Variants in PRKN observed in about 807,000 individuals in gnomAD.
PRKN encodes E3 ubiquitin-protein ligase parkin.
A neutral mutation model predicts 59.5 loss-of-function variants in PRKN; 56 were observed. The ratio of observed to expected loss-of-function variants is 0.94; its 90% CI spans 0.76 to 1.18. The LOEUF is 1.18. Among genes scored for constraint, PRKN ranks in the 50% most tolerant of loss-of-function variants. The pLI, the probability that PRKN is intolerant of heterozygous loss-of-function variation, is 0.00. For synonymous variants in PRKN, 250 were observed against 222.1 expected (o/e 1.13, Z -1.12); for missense variants, 657 against 596.4 (o/e 1.10, Z -1.06).
intron 2 of PRKN, among the ~76,000 whole-genome samples, chr6:162,435,292 T>C (rs919471546): frequency 2.6e-5 from 4 of 152,182 alleles, no homozygotes; most frequent in Non-Finnish European, 5.9e-5. Context: ...GAGAGCCTAT[T>C]AAATGAATCC....
chr6:161,863,753 T>C (rs974759036), intron 6 of PRKN, among the ~76,000 whole-genome samples: 2 of 152,148 alleles, frequency 1.3e-5, no homozygotes, highest in South Asian at 4.1e-4. Flanking sequence ...CTTTAAGGTA[T>C]ATAGGCATAG....
chr6:162,549,763 C>G (rs1192563135), intron 1 of PRKN, among the ~76,000 whole-genome samples: 2 of 151,616 alleles, frequency 1.3e-5, no homozygotes, highest in Non-Finnish European at 2.9e-5. Flanking sequence ...CTCAGCCTCC[C>G]AAGTAGCTGG....
At chr6:162,075,823 T>C (rs1325150857) in intron 4 of PRKN, among the ~76,000 whole-genome samples, 1 of 152,072 alleles carries the variant, frequency 6.6e-6, no homozygotes, top group African/African-American at 2.4e-5. Flanking sequence ...TCCAATCATC[T>C]GAGAGCTAAT....
rs183281565 is a variant in PRKN at position 161,584,354 on chromosome 6, C to G, written c.872-14938G>C. ...CATAGAGCAGTCACCCACATAATTG[C>G]TCTGAATATAATGGTGCTGCAAAAT... On this transcript the variant is annotated intron_variant, in intron 7 of 11. Transcript: ENST00000366898. The surrounding 1 kb of genome is among the most constrained non-coding windows in gnomAD (Gnocchi z 4.8). 2.6e-5 allele frequency among the ~76,000 whole-genome samples: 4 copies of G among 152,102 alleles called. No individual in the cohort carries two copies. Among genetic ancestry groups the G allele is most frequent in the African/African-American group, 9.7e-5 (4 of 41,414 alleles).
chr6:161,684,215 TA>T (rs954418133), intron 7 of PRKN, among the ~76,000 whole-genome samples: 17 of 152,132 alleles, frequency 1.1e-4, no homozygotes, highest in Admixed American at 3.3e-4. Flanking sequence ...AAAATTTATT[TA>T]AAAAAAATTT....
rs138275636 is a variant in PRKN at position 162,365,965 on chromosome 6, T to C, written c.171+77345A>G. 1.4e-4 allele frequency among the ~76,000 whole-genome samples: 21 copies of C among 152,240 alleles called. No individual in the cohort carries two copies. In the East Asian group the frequency reaches 4.1e-3, roughly 29 times the overall value. On this transcript the variant is annotated intron_variant, in intron 2 of 11. Coordinates refer to ENST00000366898, the MANE Select transcript of PRKN (RefSeq NM_004562.3). ...TACTTCAACTTGGATTGTAGCACAT[T>C]TACACAAATATTTCCATTAGAGAGA... is the stretch of plus-strand genomic sequence containing the variant.
At chr6:162,051,349 A>G (rs1419557945) in intron 5 of PRKN, among the ~76,000 whole-genome samples, 2 of 152,100 alleles carry the variant, frequency 1.3e-5, no homozygotes, top group African/African-American at 4.8e-5. Flanking sequence ...CGGTGAGTGT[A>G]ATGTGTGAAG....
chr6:161,435,775 A>AT (rs1018877260), intron 9 of PRKN, among the ~76,000 whole-genome samples: 12 of 144,620 alleles, frequency 8.3e-5, no homozygotes, highest in Admixed American at 2.1e-4. Context: ...TTATTTCTGG[A>AT]TTTTTTTTTC....
At chr6:161,441,459 ACGTGGTGAAACCC>A (rs1238399890) in intron 9 of PRKN, among the ~76,000 whole-genome samples, 1 of 151,922 alleles carries the variant, frequency 6.6e-6, no homozygotes, top group African/African-American at 2.4e-5. Context: ...AGCCTGGCCA[ACGTGGTGAAACCC>A]CGTATCTACT....
intron 5 of PRKN, among the ~76,000 whole-genome samples, chr6:162,038,998 T>C (rs1157801088): frequency 2.0e-5 from 3 of 151,610 alleles, no homozygotes; most frequent in Non-Finnish European, 4.4e-5. Context: ...ACTAAAAAAA[T>C]ACAAAAAATG....
chr6:161,986,561 G>A (rs1291165712), intron 5 of PRKN, among the ~76,000 whole-genome samples: 1 of 151,138 alleles, frequency 6.6e-6, no homozygotes, highest in Non-Finnish European at 1.5e-5. Flanking sequence ...TGAGAGAGGG[G>A]AAGAGCTGGA....
At chr6:162,039,574 C>T (rs1783983671) in intron 5 of PRKN, among the ~76,000 whole-genome samples, 1 of 152,240 alleles carries the variant, frequency 6.6e-6, no homozygotes, top group Admixed American at 6.5e-5. Flanking sequence ...CACCTTCCAC[C>T]ATGAGTGGCA....
intron 4 of PRKN, among the ~76,000 whole-genome samples, chr6:162,097,243 G>C (rs1041620086): frequency 5.3e-5 from 8 of 152,102 alleles, no homozygotes; most frequent in East Asian, 1.9e-4. Flanking sequence ...AGTTAAAACT[G>C]TCTGTCAAAA....
intron 6 of PRKN, among the ~76,000 whole-genome samples, chr6:161,916,861 C>T (rs1394807559): frequency 1.3e-5 from 2 of 152,100 alleles, no homozygotes; most frequent in Non-Finnish European, 2.9e-5. Context: ...TGCAGTGGCG[C>T]GACCTCGGTT....
At chr6:162,036,967 G>A (rs1322656391) in intron 5 of PRKN, among the ~76,000 whole-genome samples, 3 of 152,240 alleles carry the variant, frequency 2.0e-5, no homozygotes, top group South Asian at 2.1e-4. Flanking sequence ...GAGATGTCAT[G>A]TTTCACCTAA....
intron 4 of PRKN, among the ~76,000 whole-genome samples, chr6:162,134,294 C>T (rs1781484956): frequency 1.3e-5 from 2 of 152,100 alleles, no homozygotes; most frequent in Non-Finnish European, 2.9e-5. Flanking sequence ...TTTTTTAACT[C>T]ACATCTGGGA....
At chr6:162,720,468 G>C (rs1216529722) in intron 1 of PRKN, among the ~76,000 whole-genome samples, 1 of 132,540 alleles carries the variant, frequency 7.5e-6, no homozygotes, top group African/African-American at 2.9e-5. Flanking sequence ...TTTTGAGACG[G>C]AGTCTCGCTC....
chr6:162,023,848 C>T (rs931572280), intron 5 of PRKN, among the ~76,000 whole-genome samples: 3 of 152,148 alleles, frequency 2.0e-5, no homozygotes, highest in Non-Finnish European at 4.4e-5. Context: ...CCATACTCTT[C>T]CCTTTCCAGT....
In PRKN at chr6:161,360,215, C is replaced by G; in HGVS notation, c.1168-10G>C. 2 of 1,600,210 alleles carry G rather than the reference C, an allele frequency of 1.2e-6. No homozygotes were observed. On this transcript the variant is annotated splice_polypyrimidine_tract_variant and intron_variant, in intron 10 of 11. Transcript: ENST00000366898. The surrounding 1 kb of genome is among the most constrained non-coding windows in gnomAD (Gnocchi z 5.1). ...CATCGACTCTGTAGGCCTGGGGAAA[C>G]AAAGAGGAAAGGCGTTTAATCTCAG...
Sources: gnomAD v4.1 joint callset for allele counts (sites outside exome capture counted in the v4.1 genomes callset) on GRCh38, gnomAD v4.1.1 for gene constraint, Gnocchi (gnomAD v3.1) non-coding constraint, MANE v1.5 for transcripts, NCBI Gene and HGNC (gene_info 2026-07-23, HGNC 2026-07-21) for gene names.